The following PTPRN2 variants were observed in gnomAD, a reference collection of about 807,000 sequenced individuals.
PTPRN2 encodes the protein protein tyrosine phosphatase receptor type N2.
Under a neutral mutation model 118.8 loss-of-function variants are expected in PTPRN2, and 74 were observed. The observed-to-expected ratio is 0.62, with a 90% CI of 0.52 to 0.76. The LOEUF is 0.76. Among genes scored for constraint, PTPRN2 ranks in the 30% least tolerant of loss-of-function variants. PTPRN2 has a pLI of 0.00. For missense variants in PTPRN2, 1,481 were observed against 1,394.4 expected, an observed-to-expected ratio of 1.06 and a Z score of -0.99; for synonymous variants, 641 against 608.0, an observed-to-expected ratio of 1.05 and a Z score of -0.80.
In PTPRN2 at chr7:158,575,045, A is replaced by T. The variant is rs146992399; in HGVS notation, c.112+12513T>A. Among the ~76,000 whole-genome samples, 548 of 152,366 alleles carry T rather than the reference A, an allele frequency of 3.6e-3. 2 individuals carry two copies. The highest frequency in any genetic ancestry group is 6.0e-3 in the Non-Finnish European group (410 of 68,030). ...CCTTTTGTCATTTATTTTACACAGG[A>T]AAGTAGCATCTTTTAATAGTCTAGA... On this transcript the variant is annotated intron_variant, in intron 1 of 22. Coordinates refer to ENST00000389418, the MANE Select transcript of PTPRN2 (RefSeq NM_002847.5).
intron 3 of PTPRN2, among the ~76,000 whole-genome samples, chr7:158,289,754 C>G (rs1259222198): frequency 6.6e-6 from 1 of 152,012 alleles, no homozygotes; most frequent in African/African-American, 2.4e-5. Flanking sequence ...TTGTTGTTGC[C>G]TTACGTTGAT....
chr7:158,321,182 C>T (rs1802985740), intron 2 of PTPRN2, among the ~76,000 whole-genome samples: 1 of 152,120 alleles, frequency 6.6e-6, no homozygotes, highest in Non-Finnish European at 1.5e-5. Context: ...CCAGGCTGAG[C>T]TCCACCGTCT....
chr7:157,549,380 C>T (rs568177953), intron 21 of PTPRN2, among the ~76,000 whole-genome samples: 3 of 149,364 alleles, frequency 2.0e-5, no homozygotes, highest in South Asian at 4.2e-4. Context: ...GAGCCATATA[C>T]GAACTTTAAC....
intron 6 of PTPRN2, among the ~76,000 whole-genome samples, chr7:158,146,207 C>A (rs1819970929): frequency 6.6e-6 from 1 of 152,118 alleles, no homozygotes; most frequent in Non-Finnish European, 1.5e-5. Flanking sequence ...TGACAGGCAC[C>A]TTCCAACTTG....
chr7:158,206,262 G>A (rs1232885665), intron 3 of PTPRN2, among the ~76,000 whole-genome samples: 1 of 152,112 alleles, frequency 6.6e-6, no homozygotes, highest in South Asian at 2.1e-4. Context: ...TAGGGCACTG[G>A]GCAGAGTCAT....
At chr7:158,481,551 G>C (rs927577166) in intron 2 of PTPRN2, among the ~76,000 whole-genome samples, 1 of 152,102 alleles carries the variant, frequency 6.6e-6, no homozygotes, top group African/African-American at 2.4e-5. Flanking sequence ...TACAACCTCC[G>C]CCTCCCAGGT....
At chr7:157,924,099 G>T (rs1166704888) in intron 11 of PTPRN2, among the ~76,000 whole-genome samples, 1 of 152,248 alleles carries the variant, frequency 6.6e-6, no homozygotes, top group East Asian at 1.9e-4. Flanking sequence ...AGCTGGAGGA[G>T]GGGGCCCGGT....
At chr7:157,807,166 G>A (rs895551906) in intron 12 of PTPRN2, among the ~76,000 whole-genome samples, 2 of 152,228 alleles carry the variant, frequency 1.3e-5, no homozygotes, top group African/African-American at 2.4e-5. Context: ...GTACCACCAG[G>A]GAACTGTGCC....
Position 157,903,897 on chromosome 7 carries a change from C to T in PTPRN2, c.1724-5160G>A, listed in dbSNP as rs1024764102. Among the ~76,000 whole-genome samples, 1 of 152,192 alleles carries T rather than the reference C, an allele frequency of 6.6e-6. No homozygotes were observed. Among genetic ancestry groups the T allele is most frequent in the African/African-American group, 2.4e-5 (1 of 41,448 alleles). On this transcript the variant is annotated intron_variant, in intron 11 of 22. Transcript: ENST00000389418. The surrounding 1 kb of genome is among the most constrained non-coding windows in gnomAD (Gnocchi z 4.2). ...GCTTCACAAGCAGCTGTGAGGACCA[C>T]GTGGGAGCCTCTGAGCCAGCATGGC...
At chr7:158,484,249 T>C (rs916177958) in intron 2 of PTPRN2, among the ~76,000 whole-genome samples, 2 of 152,196 alleles carry the variant, frequency 1.3e-5, no homozygotes, top group South Asian at 2.1e-4. Context: ...AAAGGGAACC[T>C]GCCCCTCTGC....
At chr7:158,580,066 G>A (rs1828543740) in intron 1 of PTPRN2, among the ~76,000 whole-genome samples, 1 of 152,214 alleles carries the variant, frequency 6.6e-6, no homozygotes, top group South Asian at 2.1e-4. Context: ...TGGACTTGAG[G>A]TGGGAAGTCA....
At chr7:158,141,682 CA>C (rs1487062585) in intron 6 of PTPRN2, among the ~76,000 whole-genome samples, 3 of 152,186 alleles carry the variant, frequency 2.0e-5, no homozygotes, top group Non-Finnish European at 4.4e-5. Flanking sequence ...CATCCCCCAC[CA>C]GGGTCTCGCA....
chr7:157,875,560 C>G (rs952334623), intron 12 of PTPRN2, among the ~76,000 whole-genome samples: 1 of 152,224 alleles, frequency 6.6e-6, no homozygotes, highest in Non-Finnish European at 1.5e-5. Context: ...AAAGGGAGAT[C>G]GTTCCAGCCA....
chr7:157,826,102 C>T (rs1046558304), intron 12 of PTPRN2, among the ~76,000 whole-genome samples: 1 of 151,708 alleles, frequency 6.6e-6, no homozygotes, highest in Non-Finnish European at 1.5e-5. Flanking sequence ...TCACAATGAG[C>T]GCCATTTCCA....
intron 10 of PTPRN2, among the ~76,000 whole-genome samples, chr7:158,085,327 C>CAT: frequency 8.1e-6 from 1 of 122,926 alleles, no homozygotes; most frequent in Admixed American, 8.0e-5. Context: ...CCCATTCACA[C>CAT]ATGCCCATCC....
chr7:157,800,157 C>A (rs1183995920), intron 12 of PTPRN2, among the ~76,000 whole-genome samples: 1 of 151,392 alleles, frequency 6.6e-6, no homozygotes, highest in Non-Finnish European at 1.5e-5. Flanking sequence ...CCTCCCCATC[C>A]CTCAGAGGTA....
intron 11 of PTPRN2, among the ~76,000 whole-genome samples, chr7:158,042,427 C>T (rs1808542488): frequency 6.6e-6 from 1 of 152,178 alleles, no homozygotes; most frequent in Non-Finnish European, 1.5e-5. Flanking sequence ...GTAGGATCCA[C>T]GTCACTCTCT....
At chr7:158,147,004 C>A (rs1165131045) in intron 6 of PTPRN2, among the ~76,000 whole-genome samples, 16 of 27,114 alleles carry the variant, frequency 5.9e-4, no homozygotes, top group East Asian at 2.3e-3. Context: ...GACACCCCAT[C>A]TCACGCCACG....
chr7:158,410,101 G>A (rs1454830677), intron 2 of PTPRN2, among the ~76,000 whole-genome samples: 2 of 152,134 alleles, frequency 1.3e-5, no homozygotes, highest in East Asian at 3.9e-4. Flanking sequence ...GTTCATCCGG[G>A]TGACCTCCAC....
Sources: gnomAD v4.1 joint callset for allele counts (sites outside exome capture counted in the v4.1 genomes callset) on GRCh38, gnomAD v4.1.1 for gene constraint, Gnocchi (gnomAD v3.1) non-coding constraint, MANE v1.5 for transcripts, NCBI Gene and HGNC (gene_info 2026-07-23, HGNC 2026-07-21) for gene names.